PDE10A: variants seen among roughly 807,000 people sequenced by gnomAD.
PDE10A encodes phosphodiesterase 10A.
Under a neutral mutation model 97.7 loss-of-function variants are expected in PDE10A, and 39 were observed. That is an observed-to-expected ratio of 0.40 (90% confidence interval 0.31 to 0.52). PDE10A has a LOEUF of 0.52. PDE10A is among the 20% of genes least tolerant of loss of function. The pLI is 0.56. For synonymous variants in PDE10A, 371 were observed against 376.8 expected, an observed-to-expected ratio of 0.98 and a Z score of 0.18; for missense variants, 731 against 1,047.8, an observed-to-expected ratio of 0.70 and a Z score of 4.17.
At chr6:165,895,469 C>T (rs1781918190) in intron 1 of PDE10A, among the ~76,000 whole-genome samples, 1 of 152,202 alleles carries the variant, frequency 6.6e-6, no homozygotes, top group African/African-American at 2.4e-5. Flanking sequence ...GCCCTGCCCA[C>T]ACCTCAATCT....
chr6:165,334,446 G>A lies in PDE10A; in HGVS notation c.3066-1319C>T, dbSNP rs1057322032. ...ACGCGCCTCTATAGCGCCCTACAGCGCCGGGCACACGCCTCCATAGCGCCC... is the reference window on the plus strand; with the variant it reads ...ACGCGCCTCTATAGCGCCCTACAGCACCGGGCACACGCCTCCATAGCGCCC... On this transcript the variant is annotated intron_variant, in intron 21 of 21. Transcript: ENST00000539869. 4.7e-4 allele frequency among the ~76,000 whole-genome samples: 70 copies of A among 148,838 alleles called. 1 individual carries two copies. Among genetic ancestry groups the A allele is most frequent in the Non-Finnish European group, 7.7e-4 (52 of 67,334 alleles).
intron 1 of PDE10A, among the ~76,000 whole-genome samples, chr6:165,722,934 TTATA>T (rs145404375): frequency 1.4e-5 from 2 of 148,072 alleles, no homozygotes; most frequent in African/African-American, 2.6e-5. Context: ...ATTTTAAGTT[TTATA>T]TATATATATA....
At chr6:165,408,689 T>C (rs906833266) in intron 13 of PDE10A, among the ~76,000 whole-genome samples, 29 of 152,260 alleles carry the variant, frequency 1.9e-4, no homozygotes, top group African/African-American at 6.7e-4. Context: ...TCTTTCTGAA[T>C]TGGAACAAAG....
At chr6:165,810,852 A>G (rs1779263060) in intron 1 of PDE10A, among the ~76,000 whole-genome samples, 1 of 151,922 alleles carries the variant, frequency 6.6e-6, no homozygotes, top group African/African-American at 2.4e-5. Context: ...TGTCTTTCCT[A>G]ACACCACTTT....
intron 18 of PDE10A, among the ~76,000 whole-genome samples, chr6:165,357,721 T>C (rs958446249): frequency 2.7e-5 from 4 of 146,614 alleles, no homozygotes; most frequent in Non-Finnish European, 4.5e-5. Flanking sequence ...ACTGTCAACA[T>C]TGGCAATTGG....
intron 3 of PDE10A, among the ~76,000 whole-genome samples, chr6:165,473,788 T>C (rs1779146058): frequency 6.6e-6 from 1 of 152,220 alleles, no homozygotes; most frequent in African/African-American, 2.4e-5. Context: ...TTTACAACCA[T>C]ACACTGGGAG....
At chr6:165,486,709 G>T (rs555137753) in intron 2 of PDE10A, among the ~76,000 whole-genome samples, 9 of 152,258 alleles carry the variant, frequency 5.9e-5, no homozygotes, top group African/African-American at 1.9e-4. Flanking sequence ...CCCCAGAGAT[G>T]TCTTTTAGAA....
chr6:165,888,306 T>C (rs78093205), intron 1 of PDE10A, among the ~76,000 whole-genome samples: 1 of 148,990 alleles, frequency 6.7e-6, no homozygotes, highest in South Asian at 2.1e-4. Context: ...CTTTTTTTTT[T>C]AATGGAGTCT....
chr6:165,983,068 G>GACACACACAC (rs10623514), intron 1 of PDE10A, among the ~76,000 whole-genome samples: 2 of 151,002 alleles, frequency 1.3e-5, no homozygotes, highest in African/African-American at 2.4e-5. Context: ...ACAATTTTAC[G>GACACACACAC]ACACACACAC....
chr6:165,776,664 C>T (rs1778194264), intron 1 of PDE10A, among the ~76,000 whole-genome samples: 1 of 152,230 alleles, frequency 6.6e-6, no homozygotes, highest in South Asian at 2.1e-4. Context: ...ACCCTCTCCT[C>T]TCTCCTTCTC....
intron 1 of PDE10A, among the ~76,000 whole-genome samples, chr6:165,964,812 A>G (rs1460243378): frequency 6.6e-6 from 1 of 152,226 alleles, no homozygotes; most frequent in Non-Finnish European, 1.5e-5. Context: ...ATGATGAGAA[A>G]GGTGCATAGG....
intron 1 of PDE10A, among the ~76,000 whole-genome samples, chr6:165,713,155 C>T (rs1404535423): frequency 1.3e-5 from 2 of 152,170 alleles, no homozygotes; most frequent in Admixed American, 6.5e-5. Context: ...CCTCAGGGTC[C>T]CAGCCTTGCA....
At chr6:165,888,546 A>T (rs1446831537) in intron 1 of PDE10A, among the ~76,000 whole-genome samples, 1 of 151,966 alleles carries the variant, frequency 6.6e-6, no homozygotes. Context: ...AGCCTCCCAA[A>T]GTGCTGAGAT....
At chr6:165,783,223 T>C (rs758942029) in intron 1 of PDE10A, among the ~76,000 whole-genome samples, 43 of 152,206 alleles carry the variant, frequency 2.8e-4, no homozygotes, top group Non-Finnish European at 5.4e-4. Context: ...GGGCACCTCA[T>C]CACACTTGTC....
chr6:165,765,263 G>A (rs367729889), intron 1 of PDE10A, among the ~76,000 whole-genome samples: 10 of 152,262 alleles, frequency 6.6e-5, no homozygotes, highest in Admixed American at 3.9e-4. Flanking sequence ...GGAGCTGCCC[G>A]CCAGTCCCAC....
chr6:165,755,939 C>T (rs1201663371), intron 1 of PDE10A, among the ~76,000 whole-genome samples: 6 of 152,128 alleles, frequency 3.9e-5, no homozygotes, highest in African/African-American at 1.4e-4. Flanking sequence ...CCTGGAAGGC[C>T]GATTTTCCAA....
intron 1 of PDE10A, among the ~76,000 whole-genome samples, chr6:165,561,947 T>C (rs911085719): frequency 6.6e-6 from 1 of 152,168 alleles, no homozygotes; most frequent in Non-Finnish European, 1.5e-5. Context: ...TAAGAGAAAG[T>C]TTTTTTAAAT....
At chr6:165,848,687 C>T (rs1052126081) in intron 1 of PDE10A, among the ~76,000 whole-genome samples, 9 of 152,166 alleles carry the variant, frequency 5.9e-5, no homozygotes, top group African/African-American at 2.2e-4. Flanking sequence ...AACAATGGCC[C>T]CCCAAGGGTA....
At chr6:165,485,489 C>G (rs948380902) in intron 2 of PDE10A, among the ~76,000 whole-genome samples, 1 of 135,660 alleles carries the variant, frequency 7.4e-6, no homozygotes, top group African/African-American at 2.8e-5. Context: ...AAAAAAAAGA[C>G]AAGTCTTTGG....
Sources: allele counts gnomAD v4.1 joint callset (sites outside exome capture counted in the v4.1 genomes callset), GRCh38; gene constraint gnomAD v4.1.1; transcripts MANE v1.5; gene names NCBI Gene and HGNC (gene_info 2026-07-23, HGNC 2026-07-21).